The following VPS13D variants were observed in gnomAD, a reference collection of about 807,000 sequenced individuals.
The protein encoded by VPS13D is vacuolar protein sorting 13 homolog D, also known as intermembrane lipid transfer protein VPS13D.
In VPS13D, 187 loss-of-function variants were observed where a neutral mutation model predicts 461.9. The observed-to-expected ratio is 0.40, with a 90% CI of 0.36 to 0.46. The LOEUF (loss-of-function observed/expected upper bound fraction) is 0.46. VPS13D is among the 20% of genes least tolerant of loss of function. VPS13D has a pLI of 0.60. For missense variants in VPS13D, 4,711 were observed against 5,364.9 expected (o/e 0.88, Z 3.81); for synonymous variants, 1,951 against 1,986.3 (o/e 0.98, Z 0.47).
intron 54 of VPS13D, among the ~76,000 whole-genome samples, chr1:12,371,907 GTTCTATTATAA>G (rs1393975015): frequency 6.6e-6 from 1 of 152,026 alleles, no homozygotes; most frequent in African/African-American, 2.4e-5. Context: ...GAGTTGCTGG[GTTCTATTATAA>G]TTCTAAGTTT....
At chr1:12,508,411 G>A (rs752915437) in intron 69 of VPS13D, among the ~76,000 whole-genome samples, 18 of 151,998 alleles carry the variant, frequency 1.2e-4, no homozygotes, top group Admixed American at 1.2e-3. Context: ...CCTGGGGAAT[G>A]TTTAAAAAGA....
intron 1 of VPS13D, among the ~76,000 whole-genome samples, chr1:12,231,337 G>C (rs923183981): frequency 6.6e-6 from 1 of 152,220 alleles, no homozygotes; most frequent in South Asian, 2.1e-4. Context: ...CCTCAAGCAC[G>C]GTCTAGATGC....
intron 67 of VPS13D, among the ~76,000 whole-genome samples, chr1:12,468,787 C>T (rs1315193768): frequency 6.6e-6 from 1 of 152,218 alleles, no homozygotes; most frequent in Non-Finnish European, 1.5e-5. Flanking sequence ...AATCCCAACA[C>T]TTTGGGAGGC....
At position 12,413,133 on chromosome 1, in the gene VPS13D, A is replaced by G. The variant is rs868667274; in HGVS notation, c.12031-1954A>G. Reference sequence around the variant, plus strand: ...GTTTATCTGTCAAAACTATGCTGAGATACCATTACACACTGTTCAGATTTT... The same window carrying G: ...GTTTATCTGTCAAAACTATGCTGAGGTACCATTACACACTGTTCAGATTTT... On this transcript the variant is annotated intron_variant, in intron 63 of 69. Coordinates refer to ENST00000620676, the MANE Select transcript of VPS13D (RefSeq NM_015378.4). 3.9e-5 allele frequency among the ~76,000 whole-genome samples: 6 copies of G among 152,260 alleles called. 1 individual carries two copies. The highest frequency in any genetic ancestry group is 3.4e-3 in the Middle Eastern group (1 of 294).
chr1:12,340,095 C>T (rs1425582219), intron 40 of VPS13D, among the ~76,000 whole-genome samples: 1 of 152,088 alleles, frequency 6.6e-6, no homozygotes, highest in Non-Finnish European at 1.5e-5. Flanking sequence ...TACCGTTTAC[C>T]CTGCAGACAG....
intron 29 of VPS13D, among the ~76,000 whole-genome samples, chr1:12,312,654 AG>A (rs1642786820): frequency 6.6e-6 from 1 of 152,158 alleles, no homozygotes; most frequent in Non-Finnish European, 1.5e-5. Flanking sequence ...CAGCTACTCA[AG>A]GCGTTAAGGT....
At chr1:12,448,953 C>A (rs545139899) in intron 65 of VPS13D, among the ~76,000 whole-genome samples, 1 of 152,156 alleles carries the variant, frequency 6.6e-6, no homozygotes, top group Non-Finnish European at 1.5e-5. Context: ...CAGGACAGTC[C>A]TGAGGCCTGA....
chr1:12,338,373 T>C, intron 40 of VPS13D, 68 bp downstream of exon 40: 2 of 1,481,338 alleles, frequency 1.4e-6, no homozygotes, highest in Non-Finnish European at 9.4e-7. Flanking sequence ...ACATCAATTT[T>C]TTTTTTAATG....
In VPS13D at chr1:12,273,142, T is replaced by C. The variant is rs572856879; in HGVS notation, c.2236+7T>C. On this transcript the variant is annotated splice_region_variant and intron_variant, in intron 18 of 69. Transcript: ENST00000620676. ...CTTTTGACGAACACCCAAGGTATAGTGTGAGTGGGAAATAATGAAAACCTG... is the reference window on the plus strand; with the variant it reads ...CTTTTGACGAACACCCAAGGTATAGCGTGAGTGGGAAATAATGAAAACCTG... 4 of 1,612,730 alleles carry C rather than the reference T, an allele frequency of 2.5e-6. No homozygotes were observed. In the East Asian group the frequency reaches 8.9e-5, roughly 36 times the overall value.
intron 39 of VPS13D, chr1:12,337,321 T>TA (rs1466291461): frequency 6.6e-6 from 1 of 152,224 alleles, no homozygotes; most frequent in African/African-American, 2.4e-5. Flanking sequence ...GCAGGCCTAC[T>TA]AAAATGATCA....
chr1:12,268,797 GC>G lies in VPS13D; in HGVS notation c.1896del (p.Leu633Ter). ...FERRLNVSTR[P>X]LNIIYNPQAI... ...AGAGGCGGCTCAATGTCAGCACAAGGCCCTTGAACATCATATACAATCCGCA... is the reference window on the plus strand; with the variant it reads ...AGAGGCGGCTCAATGTCAGCACAAGGCCTTGAACATCATATACAATCCGCA... On this transcript the variant is annotated frameshift_variant, in exon 16 of 70. Coordinates refer to ENST00000620676, the MANE Select transcript of VPS13D (RefSeq NM_015378.4). LOFTEE classifies it high-confidence loss of function. The G allele has an allele frequency of 6.2e-7, 1 of 1,614,106 alleles. No individual in the cohort carries two copies. The highest frequency in any genetic ancestry group is 8.5e-7 in the Non-Finnish European group (1 of 1,180,000).
chr1:12,493,438 G>T (rs752613688), intron 67 of VPS13D, among the ~76,000 whole-genome samples: 12 of 146,584 alleles, frequency 8.2e-5, no homozygotes, highest in Non-Finnish European at 1.6e-4. Flanking sequence ...AGCCAAGATT[G>T]CACCATTGCA....
rs1412336531 is a variant in VPS13D, at chr1:12,335,735, T to A, written c.8459T>A (p.Met2820Lys). 6 of 1,614,024 alleles carry A rather than the reference T, an allele frequency of 3.7e-6. No homozygotes were observed. In the Admixed American group the frequency reaches 8.3e-5, roughly 22 times the overall value. ...TATGTAAGTACCAAGGAATCGTGGA[T>A]GGCAGATTACTGTAAAGATGACAAG... The part of the protein sequence containing the change: ...DQYVSTKESW[M>K]ADYCKDDKDI... The change falls in exon 39 of 70, where the codon ATG becomes AAG. Residue 2820 changes from methionine (M) to lysine (K), a missense_variant. Physicochemically the swap from Met to Lys is moderately conservative, Grantham distance 95. This residue lies in a region of VPS13D where 4,411 missense variants were observed against 4,937.8 expected (regional missense o/e 0.89). Coordinates refer to ENST00000620676, the MANE Select transcript of VPS13D (RefSeq NM_015378.4).
Position 12,271,086 on chromosome 1 carries a change from C to G in VPS13D, c.2065C>G (p.Arg689Gly), listed in dbSNP as rs775767366. 1 of 1,613,960 alleles carries G rather than the reference C, an allele frequency of 6.2e-7. No homozygotes were observed. Among genetic ancestry groups the G allele is most frequent in the Non-Finnish European group, 8.5e-7 (1 of 1,179,970 alleles). The change falls in exon 17 of 70, where the codon CGG (arginine) becomes GGG (glycine). Residue 689 changes from arginine (R) to glycine (G), a missense_variant. Coordinates refer to ENST00000620676, the MANE Select transcript of VPS13D (RefSeq NM_015378.4). ...KLKMQTKAEIRQTLDRLLVGD... is the reference protein window; with the variant it reads ...KLKMQTKAEIGQTLDRLLVGD... ...GAAGATGCAGACCAAGGCAGAAATC[C>G]GGCAAACTCTTGATCGTTTGCTAGT...
intron 63 of VPS13D, chr1:12,409,926 T>G (rs1195919080): frequency 2.2e-6 from 1 of 455,950 alleles, no homozygotes; most frequent in Non-Finnish European, 4.4e-6. Flanking sequence ...CTTTTATTCT[T>G]GAGACTTTTT....
chr1:12,508,096 T>G (rs1325165498), intron 69 of VPS13D, among the ~76,000 whole-genome samples: 2 of 152,124 alleles, frequency 1.3e-5, no homozygotes, highest in African/African-American at 2.4e-5. Context: ...TGGCTTAAGT[T>G]AGAGCTGGCT....
At chr1:12,367,230 A>T (rs1644048055) in intron 52 of VPS13D, among the ~76,000 whole-genome samples, 1 of 152,234 alleles carries the variant, frequency 6.6e-6, no homozygotes, top group African/African-American at 2.4e-5. Context: ...GCATTTGGGC[A>T]GTGATTTCCT....
At chr1:12,445,827 C>T (rs1401055319) in intron 65 of VPS13D, among the ~76,000 whole-genome samples, 1 of 152,198 alleles carries the variant, frequency 6.6e-6, no homozygotes, top group Non-Finnish European at 1.5e-5. Context: ...TGAACTACCT[C>T]CCATTCCCAT....
At chr1:12,324,665 G>A (rs142505450) in intron 35 of VPS13D, among the ~76,000 whole-genome samples, 1 of 152,330 alleles carries the variant, frequency 6.6e-6, no homozygotes, top group Non-Finnish European at 1.5e-5. Flanking sequence ...TTTGATGTAA[G>A]TAAATGACTA....
Sources: gnomAD v4.1 joint callset for allele counts (sites outside exome capture counted in the v4.1 genomes callset) on GRCh38, gnomAD v4.1.1 for gene constraint, gnomAD v4.1.1 regional missense constraint, MANE v1.5 for transcripts, NCBI Gene and HGNC (gene_info 2026-07-23, HGNC 2026-07-21) for gene names.